The following CPVL variants were observed in gnomAD, a reference collection of about 807,000 sequenced individuals.
The protein encoded by CPVL is probable serine carboxypeptidase CPVL.
A neutral mutation model predicts 63.7 loss-of-function variants in CPVL; 51 were observed. The observed-to-expected ratio is 0.80, with a 90% CI of 0.64 to 1.01. The LOEUF (loss-of-function observed/expected upper bound fraction) is 1.01, where lower values mean the gene tolerates loss of function less well. CPVL is among the 50% of genes least tolerant of loss of function. The probability of loss-of-function intolerance (pLI) is 0.00; values close to 1 mark genes in which losing one functional copy is unlikely to be tolerated. For missense variants in CPVL, 530 were observed against 573.1 expected, an observed-to-expected ratio of 0.92 and a Z score of 0.77; for synonymous variants, 195 against 206.0, an observed-to-expected ratio of 0.95 and a Z score of 0.46.
At chr7:29,154,829 C>T (rs977164942) in intron 5 of CPVL, among the ~76,000 whole-genome samples, 7 of 151,980 alleles carry the variant, frequency 4.6e-5, no homozygotes, top group African/African-American at 7.2e-5. Context: ...AGTGAGACTC[C>T]GTGTATTAGT....
At chr7:29,089,825 G>A (rs1785588096) in intron 6 of CPVL, among the ~76,000 whole-genome samples, 1 of 151,798 alleles carries the variant, frequency 6.6e-6, no homozygotes, top group Admixed American at 6.6e-5. Flanking sequence ...CTTCAATAAA[G>A]CTATTTTCTT....
At chr7:29,186,735 C>G (rs566069903) in intron 1 of CPVL, among the ~76,000 whole-genome samples, 1 of 152,198 alleles carries the variant, frequency 6.6e-6, no homozygotes, top group South Asian at 2.1e-4. Context: ...CAGGAAAATA[C>G]TTACCATAAC....
At chr7:29,043,159 G>C (rs1334905435) in intron 11 of CPVL, among the ~76,000 whole-genome samples, 1 of 151,858 alleles carries the variant, frequency 6.6e-6, no homozygotes, top group East Asian at 1.9e-4. Flanking sequence ...AGATAGCAAA[G>C]TTAGTGGAAG....
At chr7:29,177,675 T>C (rs1220620474) in intron 5 of CPVL, among the ~76,000 whole-genome samples, 24 of 151,992 alleles carry the variant, frequency 1.6e-4, no homozygotes, top group Admixed American at 1.6e-3. Context: ...CCTATTTATC[T>C]ATCTGTCCAT....
intron 11 of CPVL, among the ~76,000 whole-genome samples, chr7:29,050,814 A>C (rs6943689): frequency 0.65 from 98,124 of 150,584 alleles, 32,491 homozygotes; most frequent in Non-Finnish European, 0.72. Flanking sequence ...AAAAAAAAAA[A>C]CAAATCTGGA....
intron 7 of CPVL, among the ~76,000 whole-genome samples, chr7:29,073,931 A>C (rs1035948366): frequency 6.6e-6 from 1 of 152,240 alleles, no homozygotes; most frequent in Non-Finnish European, 1.5e-5. Context: ...AACAGACTAG[A>C]GACATTATGT....
chr7:29,188,149 C>T (rs1014627876), intron 1 of CPVL, among the ~76,000 whole-genome samples: 45 of 152,304 alleles, frequency 3.0e-4, no homozygotes, highest in African/African-American at 1.0e-3. Flanking sequence ...GCACGCTATA[C>T]TTTGCTCTAA....
chr7:29,059,967 A>C (rs890372981), intron 11 of CPVL, among the ~76,000 whole-genome samples: 1 of 152,144 alleles, frequency 6.6e-6, no homozygotes, highest in African/African-American at 2.4e-5. Context: ...GTTCTTGATT[A>C]TATTTCAGTT....
At chr7:29,046,084 C>T (rs1789577689) in intron 11 of CPVL, among the ~76,000 whole-genome samples, 1 of 146,922 alleles carries the variant, frequency 6.8e-6, no homozygotes, top group Non-Finnish European at 1.5e-5. Context: ...ACTAGATGAA[C>T]CTTTTTTTTT....
chr7:29,153,403 C>A (rs544139947), intron 5 of CPVL, among the ~76,000 whole-genome samples: 1 of 152,192 alleles, frequency 6.6e-6, no homozygotes, highest in African/African-American at 2.4e-5. Context: ...ACCTTCTCTC[C>A]CACCTCTCTA....
intron 12 of CPVL, among the ~76,000 whole-genome samples, chr7:29,023,647 G>C (rs1787227423): frequency 2.0e-5 from 3 of 152,104 alleles, no homozygotes; most frequent in Admixed American, 6.5e-5. Flanking sequence ...TGGCCCACCT[G>C]GTGTCCCAAT....
At chr7:29,167,802 TC>T (rs1796101005) in intron 5 of CPVL, among the ~76,000 whole-genome samples, 1 of 152,232 alleles carries the variant, frequency 6.6e-6, no homozygotes, top group Non-Finnish European at 1.5e-5. Context: ...GAATTGCACT[TC>T]CTAAATCCTT....
chr7:29,120,611 CAA>C (rs1183556268), intron 2 of CPVL, among the ~76,000 whole-genome samples: 5 of 151,576 alleles, frequency 3.3e-5, no homozygotes, highest in African/African-American at 4.8e-5. Flanking sequence ...ATCTCGAGGT[CAA>C]GAGATCGAGA....
intron 11 of CPVL, among the ~76,000 whole-genome samples, chr7:29,062,664 G>A (rs1025743273): frequency 2.6e-5 from 4 of 152,148 alleles, no homozygotes; most frequent in Non-Finnish European, 2.9e-5. Context: ...GGATAGTATT[G>A]CAGATTGTGC....
At chr7:29,175,758 A>C (rs1797236993) in intron 5 of CPVL, among the ~76,000 whole-genome samples, 1 of 152,208 alleles carries the variant, frequency 6.6e-6, no homozygotes, top group Non-Finnish European at 1.5e-5. Context: ...GGAAAAAAAC[A>C]AAACAAAAAA....
intron 10 of CPVL, among the ~76,000 whole-genome samples, chr7:29,064,558 A>G (rs886348062): frequency 1.3e-5 from 2 of 152,150 alleles, no homozygotes; most frequent in Non-Finnish European, 2.9e-5. Context: ...AGAGAAAACA[A>G]AAGAGATGAG....
At chr7:29,124,204 C>T (rs1275401156) in intron 1 of CPVL, among the ~76,000 whole-genome samples, 1 of 152,050 alleles carries the variant, frequency 6.6e-6, no homozygotes, top group Non-Finnish European at 1.5e-5. Flanking sequence ...ATTTATTGAA[C>T]ATTTATTGAG....
At chr7:29,138,268 G>A (rs1337897608) in intron 1 of CPVL, among the ~76,000 whole-genome samples, 1 of 152,050 alleles carries the variant, frequency 6.6e-6, no homozygotes, top group Non-Finnish European at 1.5e-5. Context: ...ACAAAACCCT[G>A]TCTCTACAAA....
At chr7:29,149,911 C>T (rs913590950), upstream of CPVL, among the ~76,000 whole-genome samples, 17 of 152,318 alleles carry the variant, frequency 1.1e-4, no homozygotes, top group Non-Finnish European at 2.1e-4. Context: ...ACTCTAATGA[C>T]CTCATTTTAG....
Sources: allele counts gnomAD v4.1 joint callset (sites outside exome capture counted in the v4.1 genomes callset), GRCh38; gene constraint gnomAD v4.1.1; transcripts MANE v1.5; gene names NCBI Gene and HGNC (gene_info 2026-07-23, HGNC 2026-07-21).